The following FYB1 variants were observed in gnomAD, a reference collection of about 807,000 sequenced individuals.
The protein encoded by FYB1 is FYN-binding protein 1.
FYB1 carries 41 observed loss-of-function variants against 94.1 expected under a neutral mutation model. That is an observed-to-expected ratio of 0.44 (90% CI 0.34 to 0.57). The LOEUF (loss-of-function observed/expected upper bound fraction) is 0.57. FYB1 is among the 20% of genes least tolerant of loss of function. The pLI is 0.02. For missense variants in FYB1, 1,050 were observed against 976.8 expected, an observed-to-expected ratio of 1.07 and a Z score of -1.00; for synonymous variants, 367 against 353.2, an observed-to-expected ratio of 1.04 and a Z score of -0.44.
chr5:39,269,743 C>T (rs35249), intron 1 of FYB1: 40,404 of 152,122 alleles, frequency 0.27, 6,056 homozygotes, highest in Non-Finnish European at 0.35. Context: ...CTCCTGTCTT[C>T]TCACTGGGGG....
chr5:39,271,627 A>T (rs753352596), intron 1 of FYB1, among the ~76,000 whole-genome samples: 12 of 152,200 alleles, frequency 7.9e-5, no homozygotes, highest in Non-Finnish European at 1.5e-4. Context: ...TTCAAAAAAG[A>T]TGTTACCTGT....
chr5:39,219,350 G>T (rs977897633), intron 1 of FYB1, 93 bp downstream of exon 1: 20 of 774,412 alleles, frequency 2.6e-5, no homozygotes, highest in Non-Finnish European at 3.1e-5. Flanking sequence ...AGCTAGCACA[G>T]TCTGTGCTGC....
intron 5 of FYB1, 132 bp from the exon 6 acceptor site, chr5:39,138,823 A>G (rs2150326369): frequency 1.4e-6 from 1 of 693,386 alleles, no homozygotes; most frequent in South Asian, 1.6e-5. Flanking sequence ...TAAATGGTCC[A>G]GAGGAATAAC....
At chr5:39,258,610 C>A (rs1034240308) in intron 1 of FYB1, among the ~76,000 whole-genome samples, 8 of 151,722 alleles carry the variant, frequency 5.3e-5, no homozygotes, top group African/African-American at 1.9e-4. Flanking sequence ...AAAAACAAAA[C>A]AAAACAACAA....
At chr5:39,156,747 T>TA in intron 2 of FYB1, among the ~76,000 whole-genome samples, 1 of 152,306 alleles carries the variant, frequency 6.6e-6, no homozygotes. Context: ...CAGTTAGACT[T>TA]ACTTTAATGT....
chr5:39,210,779 T>C (rs1182577506), intron 1 of FYB1, among the ~76,000 whole-genome samples: 1 of 152,196 alleles, frequency 6.6e-6, no homozygotes, highest in Non-Finnish European at 1.5e-5. Context: ...AGGAGGCTGA[T>C]GTGGGAAGAC....
chr5:39,225,501 A>G (rs1750434310), intron 1 of FYB1, among the ~76,000 whole-genome samples: 1 of 152,174 alleles, frequency 6.6e-6, no homozygotes, highest in African/African-American at 2.4e-5. Context: ...GCACTTATGA[A>G]AACTCACTGC....
chr5:39,225,085 C>T (rs1750415486), intron 1 of FYB1, among the ~76,000 whole-genome samples: 1 of 152,168 alleles, frequency 6.6e-6, no homozygotes, highest in Admixed American at 6.5e-5. Context: ...CCCCACTTCG[C>T]ATCCTTTAGT....
chr5:39,240,255 A>G (rs1021509290), intron 1 of FYB1, among the ~76,000 whole-genome samples: 5 of 152,234 alleles, frequency 3.3e-5, no homozygotes, highest in African/African-American at 1.2e-4. Context: ...TTCTGGGCAT[A>G]GGCCCTGGCA....
Position 39,106,689 on chromosome 5 carries a change from C to T in FYB1, c.*754G>A, listed in dbSNP as rs1224661313. 1 of 152,076 alleles carries T rather than the reference C, an allele frequency of 6.6e-6. No individual in the cohort carries two copies. Among genetic ancestry groups the T allele is most frequent in the Non-Finnish European group, 1.5e-5 (1 of 67,950 alleles). The allele number at this position is 152,076 out of a possible 1,614,324, so 9.4% of individuals were successfully genotyped here. ...ATTTTAGGGTTATCCTCATTCAGAT[C>T]TACTCTAGTTATAATAGTACTTTAA... On this transcript the variant is annotated 3_prime_UTR_variant, in exon 19 of 19. Transcript: ENST00000512982.
intron 2 of FYB1, among the ~76,000 whole-genome samples, chr5:39,185,526 AT>A (rs200642303): frequency 0.18 from 20,922 of 115,284 alleles, 2,224 homozygotes; most frequent in East Asian, 0.54. Flanking sequence ...TAAAAAAAAA[AT>A]ATATATATAT....
intron 1 of FYB1, among the ~76,000 whole-genome samples, chr5:39,239,807 CT>C (rs1179514739): frequency 1.3e-5 from 2 of 152,136 alleles, no homozygotes; most frequent in Non-Finnish European, 2.9e-5. Flanking sequence ...TTAAGAAAAA[CT>C]ATTTTAAAAT....
intron 1 of FYB1, among the ~76,000 whole-genome samples, chr5:39,225,553 T>C (rs1409128421): frequency 6.6e-6 from 1 of 152,264 alleles, no homozygotes; most frequent in Non-Finnish European, 1.5e-5. Flanking sequence ...TTTGTGGTTC[T>C]GATGCTGCCC....
At chr5:39,245,690 C>A (rs1372590435) in intron 1 of FYB1, among the ~76,000 whole-genome samples, 2 of 152,068 alleles carry the variant, frequency 1.3e-5, no homozygotes. Context: ...CCTCCACCTC[C>A]CGGGTTCAAG....
chr5:39,255,958 T>C (rs1310245573), intron 1 of FYB1, among the ~76,000 whole-genome samples: 1 of 152,178 alleles, frequency 6.6e-6, no homozygotes, highest in Non-Finnish European at 1.5e-5. Flanking sequence ...TTAATCAGTA[T>C]CTCTCCTTTG....
intron 10 of FYB1, among the ~76,000 whole-genome samples, chr5:39,129,499 T>C (rs548826730): frequency 6.6e-6 from 1 of 152,028 alleles, no homozygotes; most frequent in African/African-American, 2.4e-5. Context: ...GGCAAAGCAA[T>C]CAACCAACAG....
At chr5:39,162,684 A>C (rs1200490207) in intron 2 of FYB1, among the ~76,000 whole-genome samples, 1 of 151,336 alleles carries the variant, frequency 6.6e-6, no homozygotes, top group Non-Finnish European at 1.5e-5. Context: ...CCATCTCAAA[A>C]AAAAAAAGTT....
At chr5:39,210,048 T>G (rs1749221058) in intron 1 of FYB1, among the ~76,000 whole-genome samples, 1 of 152,170 alleles carries the variant, frequency 6.6e-6, no homozygotes, top group Non-Finnish European at 1.5e-5. Flanking sequence ...GCAAATTAAG[T>G]TCTTGGGGCG....
At chr5:39,180,241 C>T (rs1277169489) in intron 2 of FYB1, among the ~76,000 whole-genome samples, 3 of 152,152 alleles carry the variant, frequency 2.0e-5, no homozygotes, top group Non-Finnish European at 2.9e-5. Context: ...AGTGTATTAA[C>T]GGGAAAGTAA....
Sources: gnomAD v4.1 joint callset for allele counts (sites outside exome capture counted in the v4.1 genomes callset) on GRCh38, gnomAD v4.1.1 for gene constraint, MANE v1.5 for transcripts, NCBI Gene and HGNC (gene_info 2026-07-23, HGNC 2026-07-21) for gene names.